Variants in PRIM2 observed in about 807,000 individuals in gnomAD.
The protein encoded by PRIM2 is DNA primase subunit 2, also known as DNA primase large subunit.
A neutral mutation model predicts 67.3 loss-of-function variants in PRIM2; 39 were observed. The ratio of observed to expected loss-of-function variants is 0.58; its 90% CI spans 0.45 to 0.76. The LOEUF is 0.76. PRIM2 is among the 30% of genes least tolerant of loss of function. The pLI, the probability that PRIM2 is intolerant of heterozygous loss-of-function variation, is 0.00. For missense variants in PRIM2, 398 were observed against 598.7 expected, an observed-to-expected ratio of 0.66 and a Z score of 3.50; for synonymous variants, 143 against 198.7, an observed-to-expected ratio of 0.72 and a Z score of 2.36.
At chr6:57,638,576 C>CAAAAAAAAAAAAAAAAA (rs1227220865) in intron 13 of PRIM2, among the ~76,000 whole-genome samples, 23 of 31,964 alleles carry the variant, frequency 7.2e-4, no homozygotes, top group East Asian at 2.8e-3. Context: ...AAACAGAAAG[C>CAAAAAAAAAAAAAAAAA]AAAAAAAAAA....
intron 5 of PRIM2, among the ~76,000 whole-genome samples, chr6:57,333,346 T>C (rs1234131472): frequency 6.6e-6 from 1 of 152,196 alleles, no homozygotes; most frequent in Non-Finnish European, 1.5e-5. Context: ...ATTTTGGAGA[T>C]ATTGCTTGCT....
At chr6:57,381,380 A>G (rs182530330) in intron 6 of PRIM2, among the ~76,000 whole-genome samples, 20 of 152,300 alleles carry the variant, frequency 1.3e-4, no homozygotes, top group Admixed American at 8.5e-4. Flanking sequence ...TTGGAGAGTA[A>G]GAATGATTTT....
chr6:57,293,509 T>G, the PRIM2 span, among the ~76,000 whole-genome samples: 9 of 152,188 alleles, frequency 5.9e-5, no homozygotes, highest in Non-Finnish European at 1.0e-4. Flanking sequence ...GGATTATAAA[T>G]CATTCTAATA....
upstream of PRIM2, among the ~76,000 whole-genome samples, chr6:57,314,464 C>T (rs969064111): frequency 2.6e-5 from 4 of 152,160 alleles, no homozygotes; most frequent in African/African-American, 7.2e-5. Flanking sequence ...TGCAATGAGC[C>T]GAGATCATGC....
the PRIM2 span, among the ~76,000 whole-genome samples, chr6:57,248,045 C>T: frequency 1.3e-5 from 2 of 152,068 alleles, no homozygotes; most frequent in Non-Finnish European, 2.9e-5. Flanking sequence ...AATGAGATCA[C>T]GTGAGGAATT....
At chr6:57,496,867 T>C (rs1479404996) in intron 7 of PRIM2, among the ~76,000 whole-genome samples, 27 of 152,288 alleles carry the variant, frequency 1.8e-4, no homozygotes, top group African/African-American at 6.5e-4. Flanking sequence ...CTCTGAACAG[T>C]GGTAGTCACA....
rs1368962199 is a variant in PRIM2, at chr6:57,630,351, A to T, written c.1231-1782A>T. On this transcript the variant is annotated intron_variant, in intron 12 of 13. Transcript: ENST00000615550. The stretch of plus-strand genomic sequence containing the variant: ...AAGAGCCCTCTCTGCGAGTGGGGTC[A>T]GGTCAGGGGAAGATTGTAGTGTGAT... 2.6e-5 allele frequency among the ~76,000 whole-genome samples: 4 copies of T among 152,266 alleles called. 1 individual carries two copies. Among genetic ancestry groups the T allele is most frequent in the Admixed American group, 2.6e-4 (4 of 15,286 alleles).
intron 7 of PRIM2, among the ~76,000 whole-genome samples, chr6:57,395,991 A>G (rs904597008): frequency 2.6e-5 from 4 of 152,200 alleles, no homozygotes; most frequent in Non-Finnish European, 5.9e-5. Context: ...GTTGATTTCC[A>G]GTTATATTCC....
chr6:57,495,586 A>G (rs1189409704), intron 7 of PRIM2, among the ~76,000 whole-genome samples: 1 of 152,226 alleles, frequency 6.6e-6, no homozygotes, highest in Non-Finnish European at 1.5e-5. Flanking sequence ...TGTTGGGGAA[A>G]TGGAAATCTT....
intron 5 of PRIM2, among the ~76,000 whole-genome samples, chr6:57,363,416 T>G (rs1009244018): frequency 1.3e-5 from 2 of 152,240 alleles, no homozygotes; most frequent in Non-Finnish European, 2.9e-5. Context: ...TGCATTAGTT[T>G]CAAGTGAAAT....
chr6:57,315,925 T>TAAAG (rs1452587173), upstream of PRIM2, among the ~76,000 whole-genome samples: 1 of 152,224 alleles, frequency 6.6e-6, no homozygotes, highest in Non-Finnish European at 1.5e-5. Context: ...TTTATATGCT[T>TAAAG]TCAGGTGTCT....
chr6:57,590,887 T>G (rs1452159758), intron 10 of PRIM2, among the ~76,000 whole-genome samples: 1 of 152,200 alleles, frequency 6.6e-6, no homozygotes, highest in Non-Finnish European at 1.5e-5. Flanking sequence ...ATATAACTCC[T>G]TTTTTACATA....
At chr6:57,233,432 T>C in the PRIM2 span, among the ~76,000 whole-genome samples, 1 of 152,334 alleles carries the variant, frequency 6.6e-6, no homozygotes, top group East Asian at 1.9e-4. Flanking sequence ...TTAAACTAGC[T>C]TTTATAATTC....
At chr6:57,322,338 G>A (rs1238196437) in intron 3 of PRIM2, among the ~76,000 whole-genome samples, 1 of 152,080 alleles carries the variant, frequency 6.6e-6, no homozygotes, top group Non-Finnish European at 1.5e-5. Context: ...CGGGGTTTAG[G>A]TGCAGGAATT....
At chr6:57,428,186 A>T (rs1771696585) in intron 7 of PRIM2, among the ~76,000 whole-genome samples, 1 of 152,200 alleles carries the variant, frequency 6.6e-6, no homozygotes, top group African/African-American at 2.4e-5. Flanking sequence ...TTAAATTTAT[A>T]CATACAAGAA....
chr6:57,431,696 A>G (rs1278106691), intron 7 of PRIM2, among the ~76,000 whole-genome samples: 2 of 152,128 alleles, frequency 1.3e-5, no homozygotes, highest in Non-Finnish European at 2.9e-5. Context: ...TTTTTGAGAG[A>G]TAAACCTAGG....
At chr6:57,240,956 G>A in the PRIM2 span, among the ~76,000 whole-genome samples, 1 of 152,012 alleles carries the variant, frequency 6.6e-6, no homozygotes, top group Non-Finnish European at 1.5e-5. Flanking sequence ...GGGGCTCAGT[G>A]ACTCAAGCCT....
intron 5 of PRIM2, among the ~76,000 whole-genome samples, chr6:57,339,104 A>G (rs966313880): frequency 6.6e-6 from 1 of 151,916 alleles, no homozygotes; most frequent in Non-Finnish European, 1.5e-5. Context: ...TCCCATTCAC[A>G]ATTGCTTCAA....
At chr6:57,301,651 C>T in the PRIM2 span, among the ~76,000 whole-genome samples, 3 of 152,110 alleles carry the variant, frequency 2.0e-5, no homozygotes, top group Non-Finnish European at 4.4e-5. Flanking sequence ...AAAATACACA[C>T]GCACACAAAA....
Sources: gnomAD v4.1 joint callset for allele counts (sites outside exome capture counted in the v4.1 genomes callset) on GRCh38, gnomAD v4.1.1 for gene constraint, MANE v1.5 for transcripts, NCBI Gene and HGNC (gene_info 2026-07-23, HGNC 2026-07-21) for gene names.